Variants in CALN1 observed in about 807,000 individuals in gnomAD.
The protein encoded by CALN1 is calneuron 1.
A neutral mutation model predicts 30.6 loss-of-function variants in CALN1; 17 were observed. That is an observed-to-expected ratio of 0.56 (90% CI 0.38 to 0.83). The LOEUF (loss-of-function observed/expected upper bound fraction) is 0.83. Ranked by LOEUF, CALN1 falls within the 40% of genes least tolerant of loss-of-function variation. CALN1 has a pLI of 0.00. For missense variants in CALN1, 291 were observed against 354.9 expected (o/e 0.82, Z 1.45); for synonymous variants, 156 against 131.4 (o/e 1.19, Z -1.28).
chr7:72,469,639 TC>T, the CALN1 span, among the ~76,000 whole-genome samples: 1 of 152,124 alleles, frequency 6.6e-6, no homozygotes, highest in African/African-American at 2.4e-5. Context: ...CCTCAAATGA[TC>T]CACCCACGTA....
intron 3 of CALN1, among the ~76,000 whole-genome samples, chr7:72,135,651 A>G (rs1481852868): frequency 6.6e-6 from 1 of 152,238 alleles, no homozygotes; most frequent in Non-Finnish European, 1.5e-5. Flanking sequence ...GCATAGGCAG[A>G]ATAGATTTAC....
intron 2 of CALN1, among the ~76,000 whole-genome samples, chr7:72,287,960 G>C (rs1229256619): frequency 6.6e-6 from 1 of 151,958 alleles, no homozygotes; most frequent in Non-Finnish European, 1.5e-5. Flanking sequence ...CAAAGTGATT[G>C]GGTTATTTAT....
At chr7:72,333,056 C>G (rs1012623721) in intron 2 of CALN1, among the ~76,000 whole-genome samples, 2 of 152,180 alleles carry the variant, frequency 1.3e-5, no homozygotes, top group Non-Finnish European at 2.9e-5. Flanking sequence ...CTTTAAGCAC[C>G]AAGAACTCCA....
intron 1 of CALN1, among the ~76,000 whole-genome samples, chr7:72,441,590 T>G (rs1441944865): frequency 2.2e-5 from 2 of 90,314 alleles, no homozygotes; most frequent in African/African-American, 1.0e-4. Context: ...AGAGCGACAC[T>G]CCGTCTCAAA....
intron 2 of CALN1, among the ~76,000 whole-genome samples, chr7:72,325,784 G>C (rs1801233260): frequency 6.6e-6 from 1 of 152,208 alleles, no homozygotes; most frequent in African/African-American, 2.4e-5. Context: ...CTCCCACCAA[G>C]TGACTCATGA....
intron 2 of CALN1, among the ~76,000 whole-genome samples, chr7:72,322,342 G>A (rs1800940333): frequency 6.6e-6 from 1 of 152,174 alleles, no homozygotes; most frequent in South Asian, 2.1e-4. Flanking sequence ...GCAATGGGGA[G>A]TGGCTGTAAA....
At chr7:72,384,841 A>T (rs991438257) in intron 2 of CALN1, among the ~76,000 whole-genome samples, 1 of 152,196 alleles carries the variant, frequency 6.6e-6, no homozygotes, top group South Asian at 2.1e-4. Context: ...ATTTAAAAAG[A>T]TACTTTTAAG....
At chr7:71,918,838 G>A (rs1794804541) in intron 5 of CALN1, among the ~76,000 whole-genome samples, 2 of 152,106 alleles carry the variant, frequency 1.3e-5, no homozygotes, top group African/African-American at 4.8e-5. Context: ...TCCTTCCTTT[G>A]TGAGACACTC....
chr7:72,352,898 G>T (rs1014690171), intron 2 of CALN1, among the ~76,000 whole-genome samples: 13 of 152,126 alleles, frequency 8.5e-5, no homozygotes, highest in Admixed American at 2.6e-4. Context: ...CAAGTACCAA[G>T]ATCAGGAATC....
rs181053957 is a variant in CALN1, at chr7:72,301,470, T to A, written c.120-22660A>T. ...TAAAAATACAAAAATTAGCCTGGCT[T>A]GGTGGCGCATGCCTGTAGTCCCAGC... On this transcript the variant is annotated intron_variant, in intron 2 of 6. Transcript: ENST00000395275. Among the ~76,000 whole-genome samples, 398 of 151,910 alleles carry A rather than the reference T, an allele frequency of 2.6e-3. 2 individuals carry two copies. Among genetic ancestry groups the A allele is most frequent in the African/African-American group, 9.4e-3 (390 of 41,432 alleles).
At chr7:71,973,201 G>A (rs1797935064) in intron 5 of CALN1, among the ~76,000 whole-genome samples, 1 of 151,458 alleles carries the variant, frequency 6.6e-6, no homozygotes, top group African/African-American at 2.4e-5. Context: ...TTAAGACACA[G>A]TTCTCACTCT....
At chr7:72,491,471 A>C in the CALN1 span, among the ~76,000 whole-genome samples, 1 of 152,216 alleles carries the variant, frequency 6.6e-6, no homozygotes, top group Non-Finnish European at 1.5e-5. Flanking sequence ...CAAGAAGCTG[A>C]GGCAGGAGAA....
At chr7:72,279,078 T>TCA (rs1218920665) in intron 2 of CALN1, among the ~76,000 whole-genome samples, 5 of 152,182 alleles carry the variant, frequency 3.3e-5, no homozygotes, top group Non-Finnish European at 7.3e-5. Flanking sequence ...TCCTTGTTAA[T>TCA]CATGGCACAC....
the CALN1 span, among the ~76,000 whole-genome samples, chr7:72,477,546 T>C: frequency 6.6e-6 from 1 of 152,082 alleles, no homozygotes; most frequent in African/African-American, 2.4e-5. Flanking sequence ...GCCTCCTGAG[T>C]AGCTGGGACT....
At chr7:71,942,577 T>C (rs1796193163) in intron 5 of CALN1, 1 of 152,858 alleles carries the variant, frequency 6.5e-6, no homozygotes, top group African/African-American at 2.4e-5. Context: ...ACACGGGAAT[T>C]GAGATGCGCC....
intron 3 of CALN1, among the ~76,000 whole-genome samples, chr7:72,197,645 C>A (rs1330464453): frequency 6.6e-6 from 1 of 151,924 alleles, no homozygotes; most frequent in African/African-American, 2.4e-5. Flanking sequence ...GCCTAGACAA[C>A]AATGTGAGTT....
At chr7:72,377,202 G>C (rs1213915023) in intron 2 of CALN1, among the ~76,000 whole-genome samples, 1 of 152,134 alleles carries the variant, frequency 6.6e-6, no homozygotes, top group Non-Finnish European at 1.5e-5. Flanking sequence ...AGATTAGCTT[G>C]TTTATTTTTG....
the CALN1 span, among the ~76,000 whole-genome samples, chr7:72,469,329 T>C: frequency 1.3e-5 from 2 of 152,210 alleles, no homozygotes; most frequent in African/African-American, 2.4e-5. Context: ...AGGCTGTCCT[T>C]TCCCTATTTC....
chr7:72,365,344 A>G (rs1388821900), intron 2 of CALN1, among the ~76,000 whole-genome samples: 5 of 152,194 alleles, frequency 3.3e-5, no homozygotes, highest in Admixed American at 6.5e-5. Flanking sequence ...AAAGAAGAAA[A>G]AAATAATAAT....
Sources: allele counts gnomAD v4.1 joint callset (sites outside exome capture counted in the v4.1 genomes callset), GRCh38; gene constraint gnomAD v4.1.1; transcripts MANE v1.5; gene names NCBI Gene and HGNC (gene_info 2026-07-23, HGNC 2026-07-21).